SYNRG: variants seen among roughly 807,000 people sequenced by gnomAD.
The protein encoded by SYNRG is AP1 gamma subunit binding protein 1.
A neutral mutation model predicts 130.9 loss-of-function variants in SYNRG; 37 were observed. The ratio of observed to expected loss-of-function variants is 0.28; its 90% CI spans 0.22 to 0.37. The LOEUF (loss-of-function observed/expected upper bound fraction) is 0.37. Among genes scored for constraint, SYNRG ranks in the 10% least tolerant of loss-of-function variants. The probability of loss-of-function intolerance (pLI) is 1.00; values close to 1 mark genes in which losing one functional copy is unlikely to be tolerated. For missense variants in SYNRG, 1,338 were observed against 1,588.9 expected, an observed-to-expected ratio of 0.84 and a Z score of 2.68; for synonymous variants, 539 against 568.1, an observed-to-expected ratio of 0.95 and a Z score of 0.73.
At chr17:37,545,215 G>A (rs1411805306) in intron 14 of SYNRG, among the ~76,000 whole-genome samples, 1 of 149,852 alleles carries the variant, frequency 6.7e-6, no homozygotes, top group Non-Finnish European at 1.5e-5. Flanking sequence ...GCGAAACTCC[G>A]TCTCAAAAAA....
intron 3 of SYNRG, among the ~76,000 whole-genome samples, chr17:37,592,250 T>C (rs1181699631): frequency 6.6e-6 from 1 of 152,130 alleles, no homozygotes; most frequent in Non-Finnish European, 1.5e-5. Flanking sequence ...CCATGAGATA[T>C]TACAACGTAC....
rs752640513 is a variant in SYNRG at position 37,518,188 on chromosome 17, A to G, written c.*752T>C. On this transcript the variant is annotated 3_prime_UTR_variant, in exon 22 of 22. Transcript: ENST00000612223. ...AAAACTCCATGGTCACAGTCTTTGCATGCGGCAGAACAGGTTTGCAGCGAA... is the reference window on the plus strand; with the variant it reads ...AAAACTCCATGGTCACAGTCTTTGCGTGCGGCAGAACAGGTTTGCAGCGAA... 1 of 152,250 alleles carries G rather than the reference A, an allele frequency of 6.6e-6. No individual in the cohort carries two copies. Among genetic ancestry groups the G allele is most frequent in the Non-Finnish European group, 1.5e-5 (1 of 68,048 alleles). 9.4% of individuals were successfully genotyped at this position (152,250 alleles called of 1,614,324 possible). A position where few individuals can be genotyped will look rare whatever the true frequency, so the allele number is the denominator to read the frequency against.
At chr17:37,565,454 C>A (rs1379334481) in intron 11 of SYNRG, among the ~76,000 whole-genome samples, 3 of 152,084 alleles carry the variant, frequency 2.0e-5, no homozygotes, top group African/African-American at 7.2e-5. Context: ...GCAGCCTCTG[C>A]CCGGCCGCCA....
intron 15 of SYNRG, chr17:37,541,678 G>A (rs149094791): frequency 1.7e-4 from 73 of 437,176 alleles, no homozygotes; most frequent in African/African-American, 1.1e-3. Context: ...CAAGTGGCTC[G>A]AATCCATTTA....
intron 13 of SYNRG, among the ~76,000 whole-genome samples, chr17:37,558,732 T>C (rs2059300513): frequency 1.3e-5 from 2 of 152,190 alleles, no homozygotes; most frequent in South Asian, 4.1e-4. Context: ...TCTTACTGGA[T>C]TAGTGCGCAG....
chr17:37,528,866 G>T (rs1427924857), intron 19 of SYNRG, among the ~76,000 whole-genome samples: 1 of 152,200 alleles, frequency 6.6e-6, no homozygotes, highest in Non-Finnish European at 1.5e-5. Flanking sequence ...CAGTTATCAA[G>T]GGTACAATGA....
In SYNRG at chr17:37,589,828, T is replaced by TACC. The variant is rs568127309; in HGVS notation, c.241-3282_241-3280dup. The stretch of plus-strand genomic sequence containing the variant: ...GGAACATAATAAAATTACATCCTTC[T>TACC]ACCACACACTGATTCTAAAGAACAA... On this transcript the variant is annotated intron_variant, in intron 3 of 21. Transcript: ENST00000612223. Among the ~76,000 whole-genome samples, 7 of 151,760 alleles carry TACC rather than the reference T, an allele frequency of 4.6e-5. No individual in the cohort carries two copies. The South Asian group carries it at 1.5e-3, about 32-fold the overall frequency.
intron 14 of SYNRG, 27 bp from the exon 15 acceptor site, chr17:37,542,592 T>A (rs773454742): frequency 6.3e-7 from 1 of 1,577,474 alleles, no homozygotes; most frequent in Admixed American, 1.8e-5. Flanking sequence ...ACCCCACAAT[T>A]AGAGGCAAGC....
In SYNRG at chr17:37,519,524, CGA is replaced by C. The variant is rs1342474075; in HGVS notation, c.3814-455_3814-454del. On this transcript the variant is annotated intron_variant, in intron 21 of 21. Coordinates refer to ENST00000612223, the MANE Select transcript of SYNRG (RefSeq NM_007247.6). ...AAAAAATTACAAGAGAGTTAGAGAA[CGA>C]GAGAGTTAGAAAACGAGAGAGTTAG... Among the ~76,000 whole-genome samples, 112 of 151,976 alleles carry C rather than the reference CGA, an allele frequency of 7.4e-4. 1 individual carries two copies. The highest frequency in any genetic ancestry group is 7.3e-3 in the Admixed American group (112 of 15,254).
intron 6 of SYNRG, among the ~76,000 whole-genome samples, chr17:37,583,092 G>A (rs1031303715): frequency 2.1e-4 from 32 of 151,770 alleles, no homozygotes; most frequent in African/African-American, 7.7e-4. Context: ...CCAGGTTCAA[G>A]CTATTCTCTT....
At chr17:37,548,960 C>A (rs550983351) in intron 14 of SYNRG, among the ~76,000 whole-genome samples, 14 of 151,248 alleles carry the variant, frequency 9.3e-5, no homozygotes, top group African/African-American at 3.4e-4. Context: ...CATGGAGAAA[C>A]CCCCATCTCT....
intron 1 of SYNRG, among the ~76,000 whole-genome samples, chr17:37,607,661 C>T (rs923617764): frequency 1.3e-5 from 2 of 152,092 alleles, no homozygotes; most frequent in Admixed American, 6.5e-5. Flanking sequence ...TGGTGGCGCA[C>T]GCCTGTAATC....
intron 3 of SYNRG, among the ~76,000 whole-genome samples, chr17:37,591,423 G>C (rs1351988299): frequency 6.6e-6 from 1 of 152,156 alleles, no homozygotes; most frequent in Non-Finnish European, 1.5e-5. Flanking sequence ...TTAACACAAT[G>C]CCTATCAAAA....
chr17:37,608,307 A>C (rs954433678), intron 1 of SYNRG, among the ~76,000 whole-genome samples: 2 of 152,196 alleles, frequency 1.3e-5, no homozygotes, highest in African/African-American at 4.8e-5. Flanking sequence ...TAAAAAAAAA[A>C]CCTAACACTT....
intron 8 of SYNRG, among the ~76,000 whole-genome samples, chr17:37,573,852 C>T (rs2060618759): frequency 6.6e-6 from 1 of 151,998 alleles, no homozygotes. Flanking sequence ...CAATGCAATC[C>T]CTATCAATAC....
At chr17:37,593,280 G>C (rs2062371928) in intron 3 of SYNRG, among the ~76,000 whole-genome samples, 1 of 152,070 alleles carries the variant, frequency 6.6e-6, no homozygotes, top group Non-Finnish European at 1.5e-5. Flanking sequence ...AGATGTGGTG[G>C]CATGCACCTG....
intron 14 of SYNRG, among the ~76,000 whole-genome samples, chr17:37,550,841 T>G (rs1212014167): frequency 6.6e-6 from 1 of 152,192 alleles, no homozygotes; most frequent in Non-Finnish European, 1.5e-5. Flanking sequence ...TTGCTGCCAA[T>G]AAAACCATAT....
intron 14 of SYNRG, among the ~76,000 whole-genome samples, chr17:37,547,959 G>C (rs1006051363): frequency 6.6e-6 from 1 of 152,010 alleles, no homozygotes; most frequent in Non-Finnish European, 1.5e-5. Flanking sequence ...AGTCTTTTTC[G>C]CAAAAGAAGT....
At chr17:37,552,032 A>G (rs1435916672) in intron 14 of SYNRG, among the ~76,000 whole-genome samples, 1 of 152,180 alleles carries the variant, frequency 6.6e-6, no homozygotes, top group Non-Finnish European at 1.5e-5. Context: ...AGCAATACCT[A>G]CAACATTTCC....
Sources: gnomAD v4.1 joint callset for allele counts (sites outside exome capture counted in the v4.1 genomes callset) on GRCh38, gnomAD v4.1.1 for gene constraint, MANE v1.5 for transcripts, NCBI Gene and HGNC (gene_info 2026-07-23, HGNC 2026-07-21) for gene names.